The following GPR107 variants were observed in gnomAD, a reference collection of about 807,000 sequenced individuals.
The protein encoded by GPR107 is protein GPR107.
Under a neutral mutation model 75.5 loss-of-function variants are expected in GPR107, and 31 were observed. The ratio of observed to expected loss-of-function variants is 0.41; its 90% confidence interval spans 0.31 to 0.55. The LOEUF (loss-of-function observed/expected upper bound fraction) is 0.55, where lower values mean the gene tolerates loss of function less well. GPR107 is among the 20% of genes least tolerant of loss of function. The pLI, the probability that GPR107 is intolerant of heterozygous loss-of-function variation, is 0.26. For synonymous variants in GPR107, 267 were observed against 251.3 expected, an observed-to-expected ratio of 1.06 and a Z score of -0.59; for missense variants, 572 against 665.7, an observed-to-expected ratio of 0.86 and a Z score of 1.55.
At chr9:130,118,366 C>G (rs988085323) in intron 14 of GPR107, among the ~76,000 whole-genome samples, 3 of 152,180 alleles carry the variant, frequency 2.0e-5, no homozygotes, top group Non-Finnish European at 4.4e-5. Context: ...GTTCCTCTTT[C>G]ACTCAGAGAG....
rs763727070 is a variant in GPR107 at position 130,086,483 on chromosome 9, A to T, written c.621+7A>T. On this transcript the variant is annotated splice_region_variant and intron_variant, in intron 7 of 17. Transcript: ENST00000347136. ...TGGGGCAGTGTCATTTCAGGTATGT[A>T]TGCTCTTTGTGTAAAGCCTCCTAGA... 2 of 1,488,492 alleles carry T rather than the reference A, an allele frequency of 1.3e-6. No homozygotes were observed. The highest frequency in any genetic ancestry group is 1.9e-6 in the Non-Finnish European group (2 of 1,066,190). 92.2% of individuals were successfully genotyped at this position (1,488,492 alleles called of 1,614,324 possible). A position where few individuals can be genotyped will look rare whatever the true frequency, so the allele number is the denominator to read the frequency against.
Position 130,092,372 on chromosome 9 carries a change from G to T in GPR107, c.854G>T (p.Arg285Leu). Residue 285 changes from arginine to leucine, a missense_variant, in exon 9 of 18, where the codon CGA becomes CTA. Arg to Leu is a moderately radical substitution (Grantham distance 102). Transcript: ENST00000347136. ...LSGTIWIHILRKRRNDVFKIH... is the reference protein window; with the variant it reads ...LSGTIWIHILLKRRNDVFKIH... The stretch of plus-strand genomic sequence containing the variant: ...GGGACCATCTGGATTCATATCCTTC[G>T]AAAACGACGGTAAACTATTTCTCCC... The T allele has an allele frequency of 6.2e-7, 1 of 1,611,456 alleles. No homozygotes were observed. The highest frequency in any genetic ancestry group is 8.5e-7 in the Non-Finnish European group (1 of 1,177,732).
intron 9 of GPR107, among the ~76,000 whole-genome samples, chr9:130,098,739 G>A (rs1369555541): frequency 3.3e-5 from 5 of 152,102 alleles, no homozygotes; most frequent in South Asian, 2.1e-4. Context: ...TGGGTGTGGC[G>A]GCTCACCCCT....
At chr9:130,069,433 G>C (rs1830145804) in intron 1 of GPR107, among the ~76,000 whole-genome samples, 1 of 152,204 alleles carries the variant, frequency 6.6e-6, no homozygotes, top group Non-Finnish European at 1.5e-5. Flanking sequence ...GGTGGAAGTG[G>C]AGAAGGTAGC....
At position 130,075,728 on chromosome 9, in the gene GPR107, G is replaced by A. The variant is rs1430453615; in HGVS notation, c.234G>A (p.Glu78=). Reference sequence around the variant, plus strand: ...ATGTCAGTAGCCTCTCACTGAATGAGCCTGAAGACAAGGATGTGACTGTAA... The same window carrying A: ...ATGTCAGTAGCCTCTCACTGAATGAACCTGAAGACAAGGATGTGACTGTAA... ...VVNVSSLSLN[E]PEDKDVTIGF... The change falls in exon 2 of 18, where the codon GAG becomes GAA. Residue 78 remains glutamate (E), a synonymous_variant. Transcript: ENST00000347136. 4.4e-6 allele frequency: 7 copies of A among 1,573,804 alleles called. No individual in the cohort carries two copies. The highest frequency in any genetic ancestry group is 1.7e-5 in the Admixed American group (1 of 59,914).
intron 14 of GPR107, among the ~76,000 whole-genome samples, chr9:130,120,176 G>A (rs1422887135): frequency 6.6e-6 from 1 of 152,162 alleles, no homozygotes; most frequent in Non-Finnish European, 1.5e-5. Flanking sequence ...TGTCCCCAAG[G>A]TCCATTTGTC....
At chr9:130,084,465 C>A (rs1034505623) in intron 6 of GPR107, among the ~76,000 whole-genome samples, 1 of 147,212 alleles carries the variant, frequency 6.8e-6, no homozygotes, top group Non-Finnish European at 1.5e-5. Context: ...CATTGACATA[C>A]TGAAACAATT....
chr9:130,106,617 A>AAATAATAAT lies in GPR107; in HGVS notation c.1263-865_1263-857dup, dbSNP rs138309360. On this transcript the variant is annotated intron_variant, in intron 13 of 17. Transcript: ENST00000347136. ...TCTCAAAATAAATAAATAAATAAAT[A>AAATAATAAT]AATAATAATAATAATAATAATACTT... 9.0e-5 allele frequency among the ~76,000 whole-genome samples: 13 copies of AAATAATAAT among 145,198 alleles called. No homozygotes were observed. The East Asian group carries it at 1.0e-3, about 11-fold the overall frequency.
chr9:130,134,132 C>T (rs1831896133), intron 17 of GPR107, among the ~76,000 whole-genome samples: 3 of 152,162 alleles, frequency 2.0e-5, no homozygotes, highest in Admixed American at 1.3e-4. Flanking sequence ...ATTGTTTCCT[C>T]GCTTGCAGGG....
At chr9:130,090,086 C>G (rs931219016) in intron 7 of GPR107, among the ~76,000 whole-genome samples, 9 of 152,118 alleles carry the variant, frequency 5.9e-5, no homozygotes, top group Non-Finnish European at 1.2e-4. Flanking sequence ...GTAGTCACTT[C>G]CTAGCTTTTC....
intron 14 of GPR107, among the ~76,000 whole-genome samples, chr9:130,111,826 G>A (rs769075558): frequency 2.6e-5 from 4 of 152,110 alleles, no homozygotes; most frequent in East Asian, 3.9e-4. Flanking sequence ...CATTGAGGCC[G>A]AAGCTGCCCA....
At chr9:130,071,155 C>T (rs1030251561) in intron 1 of GPR107, among the ~76,000 whole-genome samples, 6 of 149,248 alleles carry the variant, frequency 4.0e-5, no homozygotes, top group Non-Finnish European at 7.4e-5. Flanking sequence ...CCCACTTCAG[C>T]CTCCTGAATA....
chr9:130,101,140 C>T lies in GPR107; in HGVS notation c.1048C>T (p.Leu350Phe), dbSNP rs370780111. 5.0e-6 allele frequency: 8 copies of T among 1,609,144 alleles called. No individual in the cohort carries two copies. The highest frequency in any genetic ancestry group is 6.8e-6 in the Non-Finnish European group (8 of 1,175,420). Residue 350 changes from leucine to phenylalanine, a missense_variant, in exon 12 of 18, where the codon CTC becomes TTC. Physicochemically the swap from Leu to Phe is conservative, Grantham distance 22. Transcript: ENST00000347136. ...GGCGCTACTCTTCATCACCATTGCA[C>T]TCATTGGCACTGGCTGGGCTTTCAT... ...KGALLFITIA[L>F]IGTGWAFIKH...
rs1356328933 is a variant in GPR107, at chr9:130,055,529, A to C, written c.141+1456A>C. On this transcript the variant is annotated intron_variant, in intron 1 of 17. Coordinates refer to ENST00000347136, the MANE Select transcript of GPR107 (RefSeq NM_020960.5). ...GGCAACAGCGCGAGACTCCGTCTCA[A>C]AAAAAAAAAAAAAAAGAAGTGGAAC... 9.4e-3 allele frequency among the ~76,000 whole-genome samples: 3 copies of C among 318 alleles called. No individual in the cohort carries two copies. The South Asian group carries it at 0.11, about 11-fold the overall frequency. The allele number at this position is 318 out of a possible 152,430, so 0.2% of individuals were successfully genotyped here.
intron 14 of GPR107, among the ~76,000 whole-genome samples, chr9:130,118,567 T>C (rs1438577293): frequency 2.6e-5 from 4 of 152,134 alleles, no homozygotes; most frequent in African/African-American, 9.7e-5. Context: ...GTTATTTTCC[T>C]CAGAGTGAGT....
At chr9:130,092,787 G>A (rs1179799532) in intron 9 of GPR107, among the ~76,000 whole-genome samples, 1 of 151,914 alleles carries the variant, frequency 6.6e-6, no homozygotes, top group African/African-American at 2.4e-5. Flanking sequence ...GCCTAATTTT[G>A]TTTTTGTATT....
chr9:130,089,727 A>G (rs1420707952), intron 7 of GPR107, among the ~76,000 whole-genome samples: 1 of 152,104 alleles, frequency 6.6e-6, no homozygotes, highest in Non-Finnish European at 1.5e-5. Flanking sequence ...TGTTTAGAAA[A>G]GTTTTCTTAT....
intron 1 of GPR107, among the ~76,000 whole-genome samples, chr9:130,062,644 G>GCCTTCCTT (rs1293133081): frequency 1.3e-4 from 9 of 70,906 alleles, no homozygotes; most frequent in African/African-American, 4.4e-4. Flanking sequence ...CTGCCTGCCT[G>GCCTTCCTT]CCTGCCTGCC....
At chr9:130,065,787 A>C (rs1367539077) in intron 1 of GPR107, among the ~76,000 whole-genome samples, 2 of 149,702 alleles carry the variant, frequency 1.3e-5, no homozygotes, top group African/African-American at 5.0e-5. Flanking sequence ...AAAAAAAAAA[A>C]AAGTGATGTT....
Sources: allele counts gnomAD v4.1 joint callset (sites outside exome capture counted in the v4.1 genomes callset), GRCh38; gene constraint gnomAD v4.1.1; transcripts MANE v1.5; gene names NCBI Gene and HGNC (gene_info 2026-07-23, HGNC 2026-07-21).